Variants in DNAH6 observed in about 807,000 individuals in gnomAD.
DNAH6 encodes the protein dynein axonemal heavy chain 6, also known as axonemal beta dynein heavy chain 6.
Under a neutral mutation model 491.4 loss-of-function variants are expected in DNAH6, and 340 were observed. The ratio of observed to expected loss-of-function variants is 0.69; its 90% CI spans 0.63 to 0.76. The LOEUF is 0.76. Ranked by LOEUF, DNAH6 falls within the 30% of genes least tolerant of loss-of-function variation. The pLI, the probability that DNAH6 is intolerant of heterozygous loss-of-function variation, is 0.00. For missense variants in DNAH6, 4,443 were observed against 4,972.2 expected (o/e 0.89, Z 3.20); for synonymous variants, 1,603 against 1,686.1 (o/e 0.95, Z 1.21).
At chr2:84,536,653 T>C (rs956814578) in intron 4 of DNAH6, among the ~76,000 whole-genome samples, 1 of 152,018 alleles carries the variant, frequency 6.6e-6, no homozygotes, top group Non-Finnish European at 1.5e-5. Context: ...TATCCAAATT[T>C]TGACTAGTCG....
intron 63 of DNAH6, among the ~76,000 whole-genome samples, chr2:84,756,379 C>G (rs1179490714): frequency 6.6e-6 from 1 of 152,186 alleles, no homozygotes; most frequent in Non-Finnish European, 1.5e-5. Flanking sequence ...CTGTAATTCT[C>G]ATAACCTGTT....
In DNAH6 at chr2:84,619,744, A is replaced by G. The variant is rs1378008336; in HGVS notation, c.3632A>G (p.Gln1211Arg). ...LEILAQTRNP[Q>R]AVQPHLRKCF... ...ATTTTGGCCCAGACACGAAATCCAC[A>G]GGCCGTGCAGCCACACTTAAGGAAA... Residue 1211 changes from glutamine (Q) to arginine (R), a missense_variant, in exon 24 of 77, where the codon CAG becomes CGG. Coordinates refer to ENST00000389394, the MANE Select transcript of DNAH6 (RefSeq NM_001370.2). 4.5e-6 allele frequency: 7 copies of G among 1,551,726 alleles called. No homozygotes were observed. Among genetic ancestry groups the G allele is most frequent in the Non-Finnish European group, 6.1e-6 (7 of 1,146,860 alleles).
chr2:84,464,536 A>G, the DNAH6 span, among the ~76,000 whole-genome samples: 2 of 152,202 alleles, frequency 1.3e-5, no homozygotes, highest in Non-Finnish European at 2.9e-5. Context: ...GAATAAAAGA[A>G]TGGCTACTCC....
chr2:84,589,076 A>G (rs1223529550), intron 16 of DNAH6, 122 bp downstream of exon 16: 17 of 889,022 alleles, frequency 1.9e-5, no homozygotes, highest in Non-Finnish European at 2.4e-5. Context: ...GCTAGTCAGC[A>G]TGCTACAAAT....
Position 84,664,404 on chromosome 2 carries a change from A to T in DNAH6, c.6085-4885A>T, listed in dbSNP as rs753520565. ...GCTCAAAATAAAGAGATGCAGGAAG[A>T]TCTACCAAGCAAATAGAAAACAAAA... On this transcript the variant is annotated intron_variant, in intron 37 of 76. Coordinates refer to ENST00000389394, the MANE Select transcript of DNAH6 (RefSeq NM_001370.2). Among the ~76,000 whole-genome samples, 3 of 152,304 alleles carry T rather than the reference A, an allele frequency of 2.0e-5. No homozygotes were observed. In the South Asian group the frequency reaches 6.2e-4, roughly 32 times the overall value.
chr2:84,623,354 C>T (rs563936324), intron 26 of DNAH6, among the ~76,000 whole-genome samples: 9 of 152,232 alleles, frequency 5.9e-5, no homozygotes, highest in Non-Finnish European at 1.3e-4. Flanking sequence ...CTTGTAAGGA[C>T]CTAGGCCGAC....
At chr2:84,712,495 T>G (rs1042247533) in intron 56 of DNAH6, among the ~76,000 whole-genome samples, 1 of 152,224 alleles carries the variant, frequency 6.6e-6, no homozygotes, top group Non-Finnish European at 1.5e-5. Flanking sequence ...ATAACTATCA[T>G]GTAGAATAGG....
At chr2:84,580,500 T>G (rs1449862800) in intron 14 of DNAH6, among the ~76,000 whole-genome samples, 1 of 152,182 alleles carries the variant, frequency 6.6e-6, no homozygotes, top group Non-Finnish European at 1.5e-5. Flanking sequence ...ATAGATAAAT[T>G]ATTTTCTTAA....
At chr2:84,775,249 C>A (rs1161563384) in intron 64 of DNAH6, among the ~76,000 whole-genome samples, 6 of 152,116 alleles carry the variant, frequency 3.9e-5, no homozygotes, top group Non-Finnish European at 7.4e-5. Context: ...AAAGCATTTT[C>A]TGTGTCTATT....
chr2:84,685,430 G>T lies in DNAH6; in HGVS notation c.7021G>T (p.Glu2341Ter), dbSNP rs1019793065. 2.2e-5 allele frequency: 33 copies of T among 1,519,374 alleles called. No homozygotes were observed. The highest frequency in any genetic ancestry group is 2.7e-5 in the Non-Finnish European group (30 of 1,127,574). The allele number at this position is 1,519,374 out of a possible 1,614,324, so 94.1% of individuals were successfully genotyped here. ...RVFHDRLINNEDKHYFHVILT... is the reference protein window; with the variant it reads ...RVFHDRLINN Reference sequence around the variant, plus strand: ...CTTCCATGATCGCTTGATTAATAATGAAGATAAGCACTATTTCCATGTTAT... The same window carrying T: ...CTTCCATGATCGCTTGATTAATAATTAAGATAAGCACTATTTCCATGTTAT... The change falls in exon 43 of 77, where the codon GAA becomes TAA. Residue 2341 changes from glutamate (E) to a stop codon, truncating the protein, a stop_gained. Coordinates refer to ENST00000389394, the MANE Select transcript of DNAH6 (RefSeq NM_001370.2). LOFTEE classifies it high-confidence loss of function.
At chr2:84,783,033 A>G (rs1400144301) in intron 65 of DNAH6, among the ~76,000 whole-genome samples, 2 of 152,222 alleles carry the variant, frequency 1.3e-5, no homozygotes, top group Admixed American at 6.5e-5. Context: ...GGCCCTTGCT[A>G]TAATCATTTA....
the DNAH6 span, among the ~76,000 whole-genome samples, chr2:84,503,206 T>C: frequency 1.3e-5 from 2 of 152,098 alleles, no homozygotes; most frequent in Non-Finnish European, 2.9e-5. Flanking sequence ...CTGTTTTATA[T>C]GTTATGTTAA....
chr2:84,815,816 TC>T, intron 75 of DNAH6, 44 bp from the exon 76 acceptor site: 1 of 1,432,242 alleles, frequency 7.0e-7, no homozygotes, highest in Non-Finnish European at 9.5e-7. Flanking sequence ...CACCTGCTGA[TC>T]CCTTTTCCCC....
At chr2:84,651,686 T>C (rs187267720) in intron 33 of DNAH6, among the ~76,000 whole-genome samples, 17 of 152,260 alleles carry the variant, frequency 1.1e-4, no homozygotes, top group African/African-American at 3.6e-4. Context: ...CACTGTGTTA[T>C]TGCTTGCATC....
At chr2:84,575,011 T>G (rs1304789974) in intron 12 of DNAH6, among the ~76,000 whole-genome samples, 1 of 152,104 alleles carries the variant, frequency 6.6e-6, no homozygotes, top group Non-Finnish European at 1.5e-5. Context: ...GAACCAGGTC[T>G]CCCAGTCCCA....
chr2:84,578,209 G>T (rs1682663231), intron 13 of DNAH6, among the ~76,000 whole-genome samples: 2 of 152,040 alleles, frequency 1.3e-5, no homozygotes, highest in Admixed American at 1.3e-4. Context: ...AGTATTTTCT[G>T]TTATTAATTA....
chr2:84,518,764 A>T (rs528504418), intron 2 of DNAH6, among the ~76,000 whole-genome samples: 20 of 152,292 alleles, frequency 1.3e-4, no homozygotes, highest in African/African-American at 4.6e-4. Context: ...CAAATGAACA[A>T]ATATAAATGA....
At chr2:84,522,075 G>A (rs1388434498) in intron 2 of DNAH6, among the ~76,000 whole-genome samples, 1 of 151,990 alleles carries the variant, frequency 6.6e-6, no homozygotes. Flanking sequence ...TATGGCGATT[G>A]TAATGATACT....
intron 61 of DNAH6, among the ~76,000 whole-genome samples, chr2:84,730,741 A>T (rs1282668323): frequency 6.6e-6 from 1 of 152,228 alleles, no homozygotes; most frequent in Non-Finnish European, 1.5e-5. Context: ...ATAATAGCAT[A>T]ATCAGAAAAC....
Sources: gnomAD v4.1 joint callset for allele counts (sites outside exome capture counted in the v4.1 genomes callset) on GRCh38, gnomAD v4.1.1 for gene constraint, MANE v1.5 for transcripts, NCBI Gene and HGNC (gene_info 2026-07-23, HGNC 2026-07-21) for gene names.